CCT3: variants seen among roughly 807,000 people sequenced by gnomAD.
The protein encoded by CCT3 is chaperonin containing TCP1 subunit 3.
In CCT3, 10 loss-of-function variants were observed where a neutral mutation model predicts 65.3. The ratio of observed to expected loss-of-function variants is 0.15; its 90% CI spans 0.09 to 0.26. CCT3 has a LOEUF of 0.26. CCT3 is among the 10% of genes least tolerant of loss of function. The pLI is 1.00. For missense variants in CCT3, 626 were observed against 708.7 expected (o/e 0.88, Z 1.33); for synonymous variants, 225 against 242.3 (o/e 0.93, Z 0.66).
At chr1:156,334,980 G>C (rs1055416968) in intron 2 of CCT3, 62 bp from the exon 3 acceptor site, 104 of 1,437,952 alleles carry the variant, frequency 7.2e-5, no homozygotes, top group Non-Finnish European at 9.8e-5. Flanking sequence ...AGAAATGTTG[G>C]AGTAATAGGG....
intron 5 of CCT3, 196 bp downstream of exon 5, chr1:156,333,351 G>T: frequency 2.0e-6 from 1 of 509,896 alleles, no homozygotes; most frequent in Non-Finnish European, 3.5e-6. Flanking sequence ...TTAACTATTA[G>T]TTTATCAGCC....
rs747545680 is a variant in CCT3, at chr1:156,335,841, T to A, written c.79A>T (p.Ile27Phe). 6.2e-7 allele frequency: 1 copy of A among 1,614,102 alleles called. No homozygotes were observed. The highest frequency in any genetic ancestry group is 8.5e-7 in the Non-Finnish European group (1 of 1,179,960). Reference protein sequence around the residue: ...ESGRKVQSGNINAAKTIADII... With the variant: ...ESGRKVQSGNFNAAKTIADII... ...AGATTTGTGACCTTGGCAGCATTGA[T>A]GTTTCCAGATTGAACTTTTCTTCCG... The change falls in exon 2 of 14, where the codon ATC becomes TTC. Residue 27 changes from isoleucine (I) to phenylalanine (F), a missense_variant. By Grantham distance (21) the Ile-to-Phe change is conservative. Coordinates refer to ENST00000295688, the MANE Select transcript of CCT3 (RefSeq NM_005998.5).
chr1:156,321,380 T>A (rs1664547213), intron 6 of CCT3, among the ~76,000 whole-genome samples: 1 of 152,202 alleles, frequency 6.6e-6, no homozygotes, highest in South Asian at 2.1e-4. Context: ...CTTTATCCCA[T>A]AACTAGCCAA....
chr1:156,333,464 A>G, intron 5 of CCT3, 83 bp downstream of exon 5: 1 of 939,270 alleles, frequency 1.1e-6, no homozygotes, highest in Non-Finnish European at 1.7e-6. Flanking sequence ...TAATTAGTGG[A>G]TCTGTAACAG....
intron 10 of CCT3, among the ~76,000 whole-genome samples, chr1:156,316,416 A>AT (rs146752739): frequency 0.01 from 1,533 of 152,294 alleles, 25 homozygotes; most frequent in African/African-American, 0.036. Flanking sequence ...TGTAGGACTA[A>AT]TTGCTTGTCA....
chr1:156,326,716 G>A (rs1051269371), intron 5 of CCT3, among the ~76,000 whole-genome samples: 6 of 151,552 alleles, frequency 4.0e-5, no homozygotes, highest in Non-Finnish European at 1.5e-5. Flanking sequence ...CTGGATAAGG[G>A]ATTATTGGTA....
chr1:156,314,267 T>C (rs1263519266), intron 10 of CCT3, among the ~76,000 whole-genome samples: 1 of 149,796 alleles, frequency 6.7e-6, no homozygotes, highest in Non-Finnish European at 1.5e-5. Flanking sequence ...ATGTTGTACA[T>C]GACTTCGTAG....
At position 156,334,579 on chromosome 1, in the gene CCT3, T is replaced by G; in HGVS notation, c.207+134A>C. 4.0e-6 allele frequency: 3 copies of G among 754,086 alleles called. 1 individual carries two copies. The South Asian group carries it at 5.1e-5, about 13-fold the overall frequency. 46.7% of individuals were successfully genotyped at this position (754,086 alleles called of 1,614,324 possible). ...ATTCTATAAGATAATAAATTTCTGT[T>G]GTTGAAGCCAACCAGTTTCTGGTAA... On this transcript the variant is annotated intron_variant, in intron 4 of 13. Transcript: ENST00000295688.
chr1:156,314,266 A>G (rs143792487), intron 10 of CCT3, among the ~76,000 whole-genome samples: 88 of 149,952 alleles, frequency 5.9e-4, no homozygotes, highest in African/African-American at 1.5e-3. Flanking sequence ...GATGTTGTAC[A>G]TGACTTCGTA....
chr1:156,327,762 TGA>T (rs1401404109), intron 5 of CCT3, among the ~76,000 whole-genome samples: 3 of 148,536 alleles, frequency 2.0e-5, no homozygotes, highest in African/African-American at 7.4e-5. Flanking sequence ...GTCTGGGATG[TGA>T]GGAGCCCCTC....
Position 156,312,114 on chromosome 1 carries a change from G to C in CCT3, c.1082C>G (p.Thr361Ser). 6.2e-7 allele frequency: 1 copy of C among 1,613,782 alleles called. No individual in the cohort carries two copies. Among genetic ancestry groups the C allele is most frequent in the Non-Finnish European group, 8.5e-7 (1 of 1,179,868 alleles). The stretch of plus-strand genomic sequence containing the variant: ...GGGGTCTTTGCAGTCAGTGATGAAA[G>C]TAAAGTATTCATCTCCAATTTTCTT... ...EIKKIGDEYF[T>S]FITDCKDPKA... The change falls in exon 11 of 14, where the codon ACT (threonine) becomes AGT (serine). Residue 361 changes from threonine (T) to serine (S), a missense_variant. Thr to Ser is a moderately conservative substitution (Grantham distance 58). Coordinates refer to ENST00000295688, the MANE Select transcript of CCT3 (RefSeq NM_005998.5).
Position 156,338,203 on chromosome 1 carries a change from C to G in CCT3, c.-19G>C. On this transcript the variant is annotated 5_prime_UTR_variant, in exon 1 of 14. Coordinates refer to ENST00000295688, the MANE Select transcript of CCT3 (RefSeq NM_005998.5). ...CCATCATGGCGACGCGATGCAGAGCCGGGTACCCAGAGCTGGGGGAACCGG... is the reference window on the plus strand; with the variant it reads ...CCATCATGGCGACGCGATGCAGAGCGGGGTACCCAGAGCTGGGGGAACCGG... The G allele has an allele frequency of 1.9e-6, 3 of 1,584,110 alleles. No individual in the cohort carries two copies. Among genetic ancestry groups the G allele is most frequent in the Non-Finnish European group, 2.6e-6 (3 of 1,166,694 alleles).
At chr1:156,329,656 T>G (rs868466344) in intron 5 of CCT3, among the ~76,000 whole-genome samples, 2 of 149,884 alleles carry the variant, frequency 1.3e-5, no homozygotes, top group Non-Finnish European at 3.0e-5. Context: ...GATGGCTGAG[T>G]GGCTGGGCAT....
intron 4 of CCT3, 59 bp downstream of exon 4, chr1:156,334,654 T>A (rs1665256415): frequency 8.6e-6 from 13 of 1,511,028 alleles, no homozygotes; most frequent in Non-Finnish European, 1.2e-5. Flanking sequence ...TCTTAACAGG[T>A]CCTTTATGTT....
Position 156,334,722 on chromosome 1 carries a change from A to G in CCT3, c.198T>C (p.Ile66=). ...CAAAAACAAAACACACCTCTCGAAG[A>G]ATGGCATTGCCATCATTGGTCATCA... ...GIVMTNDGNA[I]LREIQVQHPA... Residue 66 remains isoleucine, a synonymous_variant, in exon 4 of 14, where the codon ATT becomes ATC. Transcript: ENST00000295688. 6.2e-7 allele frequency: 1 copy of G among 1,614,108 alleles called. No homozygotes were observed. Among genetic ancestry groups the G allele is most frequent in the South Asian group, 1.1e-5 (1 of 91,080 alleles).
In CCT3 at chr1:156,312,060, G is replaced by A; in HGVS notation, c.1136C>T (p.Ala379Val). Residue 379 changes from alanine (A) to valine (V), a missense_variant, in exon 11 of 14, where the codon GCT becomes GTT. By Grantham distance (64) the Ala-to-Val change is moderately conservative. Transcript: ENST00000295688. ...PKACTILLRGASKEILSEVER... is the reference protein window; with the variant it reads ...PKACTILLRGVSKEILSEVER... ...ACTCACCGAGAGAATCTCTTTGCTA[G>A]CCCCCCGGAGGAGAATGGTGCAGGC... 6.2e-7 allele frequency: 1 copy of A among 1,610,040 alleles called. No homozygotes were observed. Among genetic ancestry groups the A allele is most frequent in the Non-Finnish European group, 8.5e-7 (1 of 1,178,166 alleles).
At chr1:156,325,303 T>C (rs909517405) in intron 5 of CCT3, among the ~76,000 whole-genome samples, 1 of 152,158 alleles carries the variant, frequency 6.6e-6, no homozygotes, top group Non-Finnish European at 1.5e-5. Flanking sequence ...TGGTGGCTCA[T>C]ACCTGTAATC....
At chr1:156,322,429 G>A (rs973140240) in intron 6 of CCT3, among the ~76,000 whole-genome samples, 1 of 151,856 alleles carries the variant, frequency 6.6e-6, no homozygotes, top group Non-Finnish European at 1.5e-5. Flanking sequence ...AAGAGGCGGA[G>A]GTTGCAGTGA....
intron 5 of CCT3, chr1:156,332,903 TATATA>T (rs1665164847): frequency 6.5e-6 from 1 of 153,812 alleles, no homozygotes; most frequent in Non-Finnish European, 1.4e-5. Context: ...TACAATAAGG[TATATA>T]TTTATCAGTT....
Sources: gnomAD v4.1 joint callset for allele counts (sites outside exome capture counted in the v4.1 genomes callset) on GRCh38, gnomAD v4.1.1 for gene constraint, MANE v1.5 for transcripts, NCBI Gene and HGNC (gene_info 2026-07-23, HGNC 2026-07-21) for gene names.